Variants in MCC observed in about 807,000 individuals in gnomAD.
MCC encodes colorectal mutant cancer protein.
MCC carries 90 observed loss-of-function variants against 116.2 expected under a neutral mutation model. The ratio of observed to expected loss-of-function variants is 0.77; its 90% CI spans 0.65 to 0.92. The LOEUF is 0.92. Ranked by LOEUF, MCC falls within the 40% of genes least tolerant of loss-of-function variation. MCC has a pLI of 0.00. For missense variants in MCC, 1,516 were observed against 1,312.2 expected (o/e 1.16, Z -2.40); for synonymous variants, 578 against 510.5 (o/e 1.13, Z -1.78).
chr5:113,132,409 T>TATATATACACACATAC (rs1758495484), intron 5 of MCC, among the ~76,000 whole-genome samples: 1 of 119,466 alleles, frequency 8.4e-6, no homozygotes, highest in African/African-American at 3.6e-5. Flanking sequence ...CATACATACA[T>TATATATACACACATAC]ATATATATAC....
intron 3 of MCC, among the ~76,000 whole-genome samples, chr5:113,315,550 C>T (rs1328776908): frequency 6.6e-6 from 1 of 151,870 alleles, no homozygotes; most frequent in Non-Finnish European, 1.5e-5. Flanking sequence ...AGGTCAAATG[C>T]CCTTCATGTG....
At chr5:113,055,680 AT>A (rs1222469357) in intron 14 of MCC, among the ~76,000 whole-genome samples, 1 of 152,208 alleles carries the variant, frequency 6.6e-6, no homozygotes, top group Non-Finnish European at 1.5e-5. Context: ...ATTAAACACC[AT>A]CTCTTCAGAG....
chr5:113,459,133 ATGTGTGTGTGTGTGTGTGTGTG>A (rs542497591), intron 1 of MCC, among the ~76,000 whole-genome samples: 5 of 68,362 alleles, frequency 7.3e-5, no homozygotes, highest in South Asian at 1.6e-3. Flanking sequence ...GAGTAAGGAT[ATGTGTGTGTGTGTGTGTGTGTG>A]TGTGTGTGTG....
Position 113,082,931 on chromosome 5 carries a change from G to T in MCC, c.1713C>A (p.Leu571=). The T allele has an allele frequency of 6.2e-7, 1 of 1,614,150 alleles. No individual in the cohort carries two copies. The highest frequency in any genetic ancestry group is 1.1e-5 in the South Asian group (1 of 91,086). Residue 571 remains leucine, a synonymous_variant, in exon 11 of 19, where the codon CTC becomes CTA. Transcript: ENST00000408903. ...CSNIQEIFQT[L]YSHGSAISES... is the part of the protein sequence containing the mutation. ...CTGAGATGGCAGATCCGTGTGAGTAGAGTGTTTGGAAAATCTCTTGGATAT... is the reference window on the plus strand; with the variant it reads ...CTGAGATGGCAGATCCGTGTGAGTATAGTGTTTGGAAAATCTCTTGGATAT...
intron 13 of MCC, among the ~76,000 whole-genome samples, chr5:113,067,497 C>T (rs560954554): frequency 4.6e-5 from 7 of 152,260 alleles, no homozygotes; most frequent in African/African-American, 7.2e-5. Context: ...ATTAGCCAGG[C>T]GTGGTGGCAT....
chr5:113,463,891 A>G (rs1217304834), intron 1 of MCC, among the ~76,000 whole-genome samples: 4 of 152,192 alleles, frequency 2.6e-5, no homozygotes, highest in Non-Finnish European at 4.4e-5. Context: ...CTAACACTCA[A>G]TAGCTAGGTA....
intron 3 of MCC, among the ~76,000 whole-genome samples, chr5:113,224,312 G>T (rs914230142): frequency 2.6e-5 from 4 of 152,110 alleles, no homozygotes; most frequent in Admixed American, 2.0e-4. Context: ...AGACTGGTCT[G>T]GAACTCCTGG....
At position 113,458,406 on chromosome 5, in the gene MCC, AGAAG is replaced by A. The variant is rs541930231; in HGVS notation, c.170+29835_170+29838del. ...GAGCCAGCGGGACCACGAACCCACC[AGAAG>A]GAAGAAACTCCGAACACATCCGAAC... On this transcript the variant is annotated intron_variant, in intron 1 of 18. Transcript: ENST00000408903. 1.2e-3 allele frequency among the ~76,000 whole-genome samples: 179 copies of A among 151,810 alleles called. 1 individual carries two copies. Among genetic ancestry groups the A allele is most frequent in the African/African-American group, 4.1e-3 (168 of 41,234 alleles).
Position 113,143,346 on chromosome 5 carries a change from G to A in MCC, c.756C>T (p.His252=). Residue 252 remains histidine (H), a synonymous_variant, in exon 5 of 19, where the codon CAC becomes CAT. Coordinates refer to ENST00000408903, the MANE Select transcript of MCC (RefSeq NM_001085377.2). The part of the protein sequence containing the change: ...KLAKAQCEQS[H]LMREHEDVQE... The stretch of plus-strand genomic sequence containing the variant: ...GGACATCCTCATGCTCTCTCATGAG[G>A]TGGGACTGCTCGCACTGGGAATAAG... The A allele has an allele frequency of 6.2e-7, 1 of 1,613,868 alleles. No individual in the cohort carries two copies. Among genetic ancestry groups the A allele is most frequent in the Non-Finnish European group, 8.5e-7 (1 of 1,179,970 alleles).
At chr5:113,103,245 C>A (rs1170265566) in intron 7 of MCC, among the ~76,000 whole-genome samples, 9 of 152,202 alleles carry the variant, frequency 5.9e-5, no homozygotes, top group Admixed American at 5.9e-4. Context: ...GCCACTTTTC[C>A]CATGTGCTGC....
intron 3 of MCC, among the ~76,000 whole-genome samples, chr5:113,277,041 T>G (rs1765857290): frequency 6.6e-6 from 1 of 151,962 alleles, no homozygotes; most frequent in Non-Finnish European, 1.5e-5. Context: ...TAAAGAAATC[T>G]TTATAACTAA....
chr5:113,040,796 A>T (rs1751655625), intron 17 of MCC, among the ~76,000 whole-genome samples: 1 of 152,184 alleles, frequency 6.6e-6, no homozygotes, highest in South Asian at 2.1e-4. Flanking sequence ...TTAGAAATCC[A>T]TGCTAACCAA....
In MCC at chr5:113,024,853, G is replaced by A. The variant is rs1006002530; in HGVS notation, c.*2449C>T. On this transcript the variant is annotated 3_prime_UTR_variant, in exon 19 of 19. Transcript: ENST00000408903. ...GAGTATTTGAAAAATACAAGAAAAG[G>A]AAAAACTTTTATAGCTTTTTTATTA... 3 of 152,042 alleles carry A rather than the reference G, an allele frequency of 2.0e-5. No homozygotes were observed. Among genetic ancestry groups the A allele is most frequent in the Non-Finnish European group, 4.4e-5 (3 of 67,990 alleles). The allele number at this position is 152,042 out of a possible 1,614,324, so 9.4% of individuals were successfully genotyped here.
intron 2 of MCC, among the ~76,000 whole-genome samples, chr5:113,370,120 A>G (rs1432015820): frequency 6.6e-6 from 1 of 152,178 alleles, no homozygotes; most frequent in Non-Finnish European, 1.5e-5. Context: ...CAACTCCCTA[A>G]ATAAAAGCAA....
At chr5:113,352,499 A>G (rs1431440765) in intron 2 of MCC, among the ~76,000 whole-genome samples, 2 of 152,006 alleles carry the variant, frequency 1.3e-5, no homozygotes, top group Admixed American at 6.6e-5. Flanking sequence ...GATTTTGAGA[A>G]CTCACTAAGT....
chr5:113,087,159 T>C (rs1755252147), intron 8 of MCC, among the ~76,000 whole-genome samples: 1 of 152,312 alleles, frequency 6.6e-6, no homozygotes, highest in East Asian at 1.9e-4. Flanking sequence ...CTTTTCATAT[T>C]AAATGTCTAG....
At chr5:113,466,087 T>C (rs1580412236) in intron 1 of MCC, among the ~76,000 whole-genome samples, 1 of 151,932 alleles carries the variant, frequency 6.6e-6, no homozygotes, top group South Asian at 2.1e-4. Flanking sequence ...TAGGGAACAG[T>C]GTGAGCCATA....
Position 113,103,265 on chromosome 5 carries a change from C to T in MCC, c.1191+927G>A, listed in dbSNP as rs1173306031. Among the ~76,000 whole-genome samples the T allele has an allele frequency of 2.0e-5, 3 of 152,332 alleles. No individual in the cohort carries two copies. In the East Asian group the frequency reaches 5.8e-4, roughly 29 times the overall value. On this transcript the variant is annotated intron_variant, in intron 7 of 18. Coordinates refer to ENST00000408903, the MANE Select transcript of MCC (RefSeq NM_001085377.2). ...TTTTCCCATGTGCTGCTTTGTCCTT[C>T]CTTTAAATCTGGAGACTCTCATCCT...
intron 1 of MCC, among the ~76,000 whole-genome samples, chr5:113,428,998 G>T (rs1432468205): frequency 6.6e-6 from 1 of 152,140 alleles, no homozygotes; most frequent in Non-Finnish European, 1.5e-5. Flanking sequence ...TGTTGGGTCA[G>T]AATTTATATC....
Sources: gnomAD v4.1 joint callset for allele counts (sites outside exome capture counted in the v4.1 genomes callset) on GRCh38, gnomAD v4.1.1 for gene constraint, MANE v1.5 for transcripts, NCBI Gene and HGNC (gene_info 2026-07-23, HGNC 2026-07-21) for gene names.